FBXL13: variants seen among roughly 807,000 people sequenced by gnomAD.
FBXL13 encodes the protein F-box and leucine-rich repeat protein 13.
A neutral mutation model predicts 83.6 loss-of-function variants in FBXL13; 67 were observed. The observed-to-expected ratio is 0.80, with a 90% confidence interval of 0.66 to 0.98. FBXL13 has a LOEUF of 0.98. Among genes scored for constraint, FBXL13 ranks in the 50% least tolerant of loss-of-function variants. FBXL13 has a pLI of 0.00. For missense variants in FBXL13, 822 were observed against 866.5 expected, an observed-to-expected ratio of 0.95 and a Z score of 0.64; for synonymous variants, 272 against 299.5, an observed-to-expected ratio of 0.91 and a Z score of 0.95.
intron 1 of FBXL13, among the ~76,000 whole-genome samples, chr7:103,060,405 A>G (rs1375092089): frequency 6.6e-6 from 1 of 152,120 alleles, no homozygotes; most frequent in East Asian, 1.9e-4. Context: ...AATTAGAGGA[A>G]AACACTTGGA....
chr7:103,006,644 CAAAG>C (rs1791020184), intron 6 of FBXL13, among the ~76,000 whole-genome samples: 1 of 152,166 alleles, frequency 6.6e-6, no homozygotes, highest in East Asian at 1.9e-4. Flanking sequence ...CAACTCTCTT[CAAAG>C]AAAGACAACA....
intron 19 of FBXL13, among the ~76,000 whole-genome samples, chr7:102,813,938 C>T (rs1797648659): frequency 6.6e-6 from 1 of 152,112 alleles, no homozygotes; most frequent in South Asian, 2.1e-4. Context: ...ACCCAGAGTT[C>T]ACAGATCCCT....
chr7:102,903,800 G>C (rs1813284546), intron 11 of FBXL13, among the ~76,000 whole-genome samples: 1 of 151,872 alleles, frequency 6.6e-6, no homozygotes. Flanking sequence ...AACCATCCTT[G>C]CATCCCAGGG....
chr7:103,071,315 G>A (rs548067903), intron 1 of FBXL13, among the ~76,000 whole-genome samples: 30 of 152,228 alleles, frequency 2.0e-4, no homozygotes, highest in African/African-American at 6.3e-4. Context: ...TTTCTAAAAC[G>A]GATGAAAAAT....
chr7:103,069,240 C>T (rs1798695662), intron 1 of FBXL13, among the ~76,000 whole-genome samples: 1 of 152,114 alleles, frequency 6.6e-6, no homozygotes, highest in African/African-American at 2.4e-5. Context: ...AGCCGCTGCA[C>T]CTTCTGGGAA....
chr7:102,989,674 T>C (rs1008499747), intron 6 of FBXL13, among the ~76,000 whole-genome samples: 3 of 152,346 alleles, frequency 2.0e-5, no homozygotes, highest in African/African-American at 7.2e-5. Flanking sequence ...GATTCAGGGA[T>C]GAAAGAATGA....
intron 17 of FBXL13, among the ~76,000 whole-genome samples, chr7:102,844,727 G>A (rs1026340330): frequency 6.6e-6 from 1 of 152,084 alleles, no homozygotes; most frequent in Admixed American, 6.5e-5. Flanking sequence ...ACATTAACTG[G>A]AGTTAGCACA....
At chr7:103,033,940 C>T (rs1043130626) in intron 2 of FBXL13, among the ~76,000 whole-genome samples, 1 of 152,120 alleles carries the variant, frequency 6.6e-6, no homozygotes, top group Non-Finnish European at 1.5e-5. Flanking sequence ...CTCCACATCC[C>T]CACCAGATTA....
chr7:102,882,783 AAAACAAAAC>A (rs1170168710), intron 14 of FBXL13, among the ~76,000 whole-genome samples: 1 of 151,930 alleles, frequency 6.6e-6, no homozygotes, highest in South Asian at 2.1e-4. Flanking sequence ...AAAACAAAAC[AAAACAAAAC>A]AAAAAAACAG....
chr7:102,950,309 G>A (rs1278018070), intron 8 of FBXL13, among the ~76,000 whole-genome samples: 1 of 152,188 alleles, frequency 6.6e-6, no homozygotes, highest in Non-Finnish European at 1.5e-5. Flanking sequence ...ATCCATAACT[G>A]TGACAGCACC....
intron 2 of FBXL13, among the ~76,000 whole-genome samples, chr7:103,030,854 C>T (rs796946379): frequency 3.9e-5 from 6 of 152,002 alleles, no homozygotes; most frequent in African/African-American, 1.4e-4. Context: ...TTATAATACA[C>T]CAGAATTTTT....
At chr7:103,058,055 T>C (rs1441899486) in intron 1 of FBXL13, among the ~76,000 whole-genome samples, 1 of 152,190 alleles carries the variant, frequency 6.6e-6, no homozygotes, top group Non-Finnish European at 1.5e-5. Context: ...CTGGGGTCTT[T>C]TCTTAGACTC....
chr7:102,894,348 G>C (rs1262313599), intron 11 of FBXL13, among the ~76,000 whole-genome samples: 3 of 152,138 alleles, frequency 2.0e-5, no homozygotes, highest in Admixed American at 2.0e-4. Flanking sequence ...ACTGCATTGA[G>C]TATTATAATC....
intron 11 of FBXL13, among the ~76,000 whole-genome samples, chr7:102,887,528 G>A (rs1810960355): frequency 6.6e-6 from 1 of 152,124 alleles, no homozygotes; most frequent in Non-Finnish European, 1.5e-5. Context: ...GTGATTGTGG[G>A]GGCTGGCAAA....
At chr7:102,870,014 A>G (rs1484359157) in intron 16 of FBXL13, among the ~76,000 whole-genome samples, 2 of 152,240 alleles carry the variant, frequency 1.3e-5, no homozygotes, top group Non-Finnish European at 2.9e-5. Context: ...CTATTCTAGT[A>G]TAGTATTTAG....
At chr7:102,902,997 C>T (rs774071770) in intron 11 of FBXL13, among the ~76,000 whole-genome samples, 51 of 151,662 alleles carry the variant, frequency 3.4e-4, no homozygotes, top group Non-Finnish European at 6.2e-4. Context: ...TTCATTGAAT[C>T]TGTAGATTGC....
At chr7:102,814,752 A>G (rs1169766802) in intron 19 of FBXL13, among the ~76,000 whole-genome samples, 2 of 152,214 alleles carry the variant, frequency 1.3e-5, no homozygotes, top group Admixed American at 1.3e-4. Context: ...TCAGAGAAAT[A>G]TTTATTCTCA....
At chr7:102,842,087 T>C (rs1803043351) in intron 17 of FBXL13, among the ~76,000 whole-genome samples, 1 of 152,118 alleles carries the variant, frequency 6.6e-6, no homozygotes, top group South Asian at 2.1e-4. Context: ...GAGTATTGGA[T>C]GAGAAGAGAG....
intron 11 of FBXL13, among the ~76,000 whole-genome samples, chr7:102,912,527 C>A (rs1482981267): frequency 1.3e-5 from 2 of 152,194 alleles, no homozygotes; most frequent in Non-Finnish European, 2.9e-5. Context: ...GCCCAACTTT[C>A]CAAGTCCTGT....
Sources: allele counts gnomAD v4.1 joint callset (sites outside exome capture counted in the v4.1 genomes callset), GRCh38; gene constraint gnomAD v4.1.1; transcripts MANE v1.5; gene names NCBI Gene and HGNC (gene_info 2026-07-23, HGNC 2026-07-21).